PDE1C: variants seen among roughly 807,000 people sequenced by gnomAD.
PDE1C encodes the protein phosphodiesterase 1C.
PDE1C carries 62 observed loss-of-function variants against 93.1 expected under a neutral mutation model. The ratio of observed to expected loss-of-function variants is 0.67; its 90% CI spans 0.54 to 0.82. PDE1C has a LOEUF of 0.82. PDE1C is among the 40% of genes least tolerant of loss of function. The probability of loss-of-function intolerance (pLI) is 0.00; values close to 1 mark genes in which losing one functional copy is unlikely to be tolerated. For synonymous variants in PDE1C, 325 were observed against 310.1 expected, an observed-to-expected ratio of 1.05 and a Z score of -0.50; for missense variants, 742 against 884.6, an observed-to-expected ratio of 0.84 and a Z score of 2.04.
intron 5 of PDE1C, among the ~76,000 whole-genome samples, chr7:31,877,422 T>C (rs1279455495): frequency 6.6e-6 from 1 of 152,124 alleles, no homozygotes; most frequent in Non-Finnish European, 1.5e-5. Flanking sequence ...CAATGGGCTA[T>C]ATAGATGGGA....
intron 2 of PDE1C, among the ~76,000 whole-genome samples, chr7:31,942,163 A>G (rs768507754): frequency 2.0e-5 from 3 of 152,170 alleles, no homozygotes; most frequent in Non-Finnish European, 4.4e-5. Flanking sequence ...AACCTCAGGA[A>G]TAAGGGCTGT....
At chr7:32,331,938 A>G (rs1783524199) in intron 1 of PDE1C, among the ~76,000 whole-genome samples, 1 of 152,208 alleles carries the variant, frequency 6.6e-6, no homozygotes, top group African/African-American at 2.4e-5. Context: ...AAGGCCACCT[A>G]AAAGGTCTTT....
intron 16 of PDE1C, among the ~76,000 whole-genome samples, chr7:31,797,159 A>C (rs1785403497): frequency 6.6e-6 from 1 of 151,752 alleles, no homozygotes; most frequent in South Asian, 2.1e-4. Flanking sequence ...CAAATGGCTA[A>C]GGGAAATGGG....
At chr7:32,256,050 G>A (rs1024154379) in intron 1 of PDE1C, among the ~76,000 whole-genome samples, 1 of 152,226 alleles carries the variant, frequency 6.6e-6, no homozygotes, top group African/African-American at 2.4e-5. Flanking sequence ...GCTGCTCAAA[G>A]ACTGAAGCAG....
intron 16 of PDE1C, chr7:31,787,776 C>T (rs1437508006): frequency 3.9e-5 from 6 of 152,130 alleles, no homozygotes; most frequent in Admixed American, 1.3e-4. Context: ...ATTAAAAGAC[C>T]GCAGAAAATA....
At chr7:32,377,732 T>A (rs1183176888) in intron 1 of PDE1C, among the ~76,000 whole-genome samples, 1 of 152,224 alleles carries the variant, frequency 6.6e-6, no homozygotes, top group East Asian at 1.9e-4. Flanking sequence ...TTAAGTAACT[T>A]GCCCAGGGTC....
intron 2 of PDE1C, among the ~76,000 whole-genome samples, chr7:31,987,680 C>G (rs1261908436): frequency 6.6e-6 from 1 of 152,044 alleles, no homozygotes. Context: ...TTTTGTTTTT[C>G]TTAGAGAACA....
At chr7:31,719,958 C>G in the PDE1C span, among the ~76,000 whole-genome samples, 1 of 150,756 alleles carries the variant, frequency 6.6e-6, no homozygotes, top group Non-Finnish European at 1.5e-5. Context: ...GTCAGGAGAT[C>G]GAGACCATCC....
chr7:32,013,301 C>T (rs142566056), intron 2 of PDE1C, among the ~76,000 whole-genome samples: 101 of 152,280 alleles, frequency 6.6e-4, no homozygotes, highest in African/African-American at 2.3e-3. Context: ...TCCTTATGCA[C>T]GTGTGTTTGA....
chr7:31,904,634 G>T (rs1356329054), intron 2 of PDE1C, among the ~76,000 whole-genome samples: 1 of 151,478 alleles, frequency 6.6e-6, no homozygotes, highest in African/African-American at 2.4e-5. Flanking sequence ...GCATTTACAG[G>T]TGGTCCATCA....
chr7:32,061,920 T>G (rs1488394320), intron 1 of PDE1C, among the ~76,000 whole-genome samples: 1 of 152,188 alleles, frequency 6.6e-6, no homozygotes, highest in Non-Finnish European at 1.5e-5. Context: ...CTTACAAAAT[T>G]TATAGATATA....
chr7:32,318,939 G>T (rs1409273140), intron 1 of PDE1C, among the ~76,000 whole-genome samples: 1 of 152,160 alleles, frequency 6.6e-6, no homozygotes, highest in Non-Finnish European at 1.5e-5. Context: ...GCTCCGCAAT[G>T]GCTGAAATCA....
intron 1 of PDE1C, among the ~76,000 whole-genome samples, chr7:32,408,654 T>C (rs933837475): frequency 3.3e-5 from 5 of 151,936 alleles, no homozygotes; most frequent in African/African-American, 1.2e-4. Context: ...CCAGGCATGG[T>C]AGTGGGTGCC....
intron 2 of PDE1C, among the ~76,000 whole-genome samples, chr7:32,174,914 T>A (rs1401238134): frequency 6.6e-6 from 1 of 152,164 alleles, no homozygotes; most frequent in African/African-American, 2.4e-5. Context: ...AATATTTAAA[T>A]ATATATAGAT....
chr7:31,670,071 A>C, the PDE1C span, among the ~76,000 whole-genome samples: 10 of 152,312 alleles, frequency 6.6e-5, no homozygotes, highest in South Asian at 2.1e-3. Flanking sequence ...GGAGCCAATC[A>C]ACCTTGAAAG....
chr7:31,893,871 G>A (rs776563885), intron 2 of PDE1C, among the ~76,000 whole-genome samples: 39 of 152,008 alleles, frequency 2.6e-4, no homozygotes, highest in Non-Finnish European at 4.9e-4. Context: ...TGTCCCTCAA[G>A]AACAGCATGA....
intron 2 of PDE1C, among the ~76,000 whole-genome samples, chr7:31,901,108 AAGG>A (rs1276098190): frequency 6.7e-6 from 1 of 148,624 alleles, no homozygotes; most frequent in African/African-American, 2.5e-5. Flanking sequence ...GGAATAAGGC[AAGG>A]ATGCCCTCTA....
At chr7:32,077,549 T>C (rs1359701262) in intron 3 of PDE1C, among the ~76,000 whole-genome samples, 1 of 152,176 alleles carries the variant, frequency 6.6e-6, no homozygotes, top group African/African-American at 2.4e-5. Flanking sequence ...GAAAACACTT[T>C]ATTTACTTTT....
chr7:31,888,861 C>T (rs1327028359), intron 2 of PDE1C, among the ~76,000 whole-genome samples: 1 of 152,056 alleles, frequency 6.6e-6, no homozygotes, highest in East Asian at 1.9e-4. Flanking sequence ...GTGAATTTAG[C>T]AATGCCACTT....
Sources: allele counts gnomAD v4.1 joint callset (sites outside exome capture counted in the v4.1 genomes callset), GRCh38; gene constraint gnomAD v4.1.1; transcripts MANE v1.5; gene names NCBI Gene and HGNC (gene_info 2026-07-23, HGNC 2026-07-21).